The following DESI2 variants were observed in gnomAD, a reference collection of about 807,000 sequenced individuals.
DESI2 encodes the protein deubiquitinase DESI2.
Under a neutral mutation model 24.1 loss-of-function variants are expected in DESI2, and 10 were observed. The ratio of observed to expected loss-of-function variants is 0.41; its 90% CI spans 0.26 to 0.70. DESI2 has a LOEUF of 0.70. Ranked by LOEUF, DESI2 falls within the 30% of genes least tolerant of loss-of-function variation. DESI2 has a pLI of 0.29. For synonymous variants in DESI2, 71 were observed against 87.7 expected, an observed-to-expected ratio of 0.81 and a Z score of 1.06; for missense variants, 122 against 234.9, an observed-to-expected ratio of 0.52 and a Z score of 3.14.
intron 1 of DESI2, among the ~76,000 whole-genome samples, chr1:244,659,564 G>T (rs114062017): frequency 7.2e-4 from 110 of 152,266 alleles, no homozygotes; most frequent in African/African-American, 2.6e-3. Context: ...CTTCAGACCG[G>T]CAATGGTGTG....
chr1:244,675,603 A>T (rs1235689552), intron 1 of DESI2, among the ~76,000 whole-genome samples: 1 of 152,124 alleles, frequency 6.6e-6, no homozygotes, highest in Non-Finnish European at 1.5e-5. Context: ...ATAGGGGCTT[A>T]TTTCTGAACT....
rs1450509113 is a variant in DESI2, at chr1:244,689,801, C to T, written c.209+459C>T. ...CTGGGATTACAGGCGTGAGCCACCA[C>T]GCCCAGCCCAGGAAACTCCTTTCTA... On this transcript the variant is annotated intron_variant, in intron 3 of 4. Transcript: ENST00000302550. This position sits in a 1 kb window ranked among gnomAD's most constrained non-coding sequence, Gnocchi z 4.0. 3.3e-5 allele frequency among the ~76,000 whole-genome samples: 5 copies of T among 152,198 alleles called. No homozygotes were observed. Among genetic ancestry groups the T allele is most frequent in the African/African-American group, 9.6e-5 (4 of 41,454 alleles).
chr1:244,699,053 A>C (rs1004915541), intron 4 of DESI2, among the ~76,000 whole-genome samples: 3 of 152,184 alleles, frequency 2.0e-5, no homozygotes, highest in African/African-American at 7.2e-5. Context: ...CAGTGGACTT[A>C]CCAGTTTGCC....
At chr1:244,660,132 ATTCT>A (rs1675787498) in intron 1 of DESI2, among the ~76,000 whole-genome samples, 1 of 151,636 alleles carries the variant, frequency 6.6e-6, no homozygotes, top group Non-Finnish European at 1.5e-5. Flanking sequence ...ATTTAGATGA[ATTCT>A]TTGTTTTATG....
chr1:244,655,266 A>G (rs540370283), intron 1 of DESI2, among the ~76,000 whole-genome samples: 1 of 152,366 alleles, frequency 6.6e-6, no homozygotes, highest in South Asian at 2.1e-4. Context: ...CTAAACAACT[A>G]AAAATACAAT....
At position 244,683,374 on chromosome 1, in the gene DESI2, T is replaced by G. The variant is rs372363668; in HGVS notation, c.43-3223T>G. 4.4e-3 allele frequency among the ~76,000 whole-genome samples: 666 copies of G among 151,878 alleles called. 2 individuals carry two copies. The highest frequency in any genetic ancestry group is 0.019 in the East Asian group (97 of 5,156). ...TCGCCCAGGCTGGAGTGCAGTGGCG[T>G]GATCTCGGCTCACTGCAAGCTCCGC... On this transcript the variant is annotated intron_variant, in intron 1 of 4. Transcript: ENST00000302550.
At chr1:244,682,868 A>G (rs575607474) in intron 1 of DESI2, among the ~76,000 whole-genome samples, 2 of 145,742 alleles carry the variant, frequency 1.4e-5, no homozygotes. Flanking sequence ...AAAAAAAAAA[A>G]AACTCAGTGA....
intron 4 of DESI2, among the ~76,000 whole-genome samples, chr1:244,705,318 T>C (rs911958177): frequency 1.8e-4 from 27 of 152,224 alleles, no homozygotes; most frequent in African/African-American, 6.3e-4. Flanking sequence ...TTCACAGATA[T>C]GAAAAGTAAG....
Position 244,700,179 on chromosome 1 carries a change from G to A in DESI2, c.352-5377G>A, listed in dbSNP as rs551783080. Among the ~76,000 whole-genome samples the A allele has an allele frequency of 3.9e-5, 6 of 152,294 alleles. No individual in the cohort carries two copies. In the East Asian group the frequency reaches 9.6e-4, roughly 24 times the overall value. ...GTGGTAAGTCCTACCTGTGAATACAGCTATATGCTATGTCCTATGAGTCCT... is the reference window on the plus strand; with the variant it reads ...GTGGTAAGTCCTACCTGTGAATACAACTATATGCTATGTCCTATGAGTCCT... On this transcript the variant is annotated intron_variant, in intron 4 of 4. Transcript: ENST00000302550.
At chr1:244,664,418 G>A (rs1323370993) in intron 1 of DESI2, among the ~76,000 whole-genome samples, 1 of 152,172 alleles carries the variant, frequency 6.6e-6, no homozygotes, top group Non-Finnish European at 1.5e-5. Context: ...AATCCATATG[G>A]TGTAATAGAA....
At chr1:244,702,884 C>T (rs942969276) in intron 4 of DESI2, among the ~76,000 whole-genome samples, 5 of 152,046 alleles carry the variant, frequency 3.3e-5, no homozygotes, top group African/African-American at 4.8e-5. Context: ...AGGCAACAGT[C>T]GCTATCACAT....
intron 1 of DESI2, among the ~76,000 whole-genome samples, chr1:244,674,969 T>G (rs1234420986): frequency 6.6e-6 from 1 of 152,230 alleles, no homozygotes; most frequent in Non-Finnish European, 1.5e-5. Context: ...CATGATACAT[T>G]CCCACCAGTA....
At chr1:244,665,504 A>G (rs575500329) in intron 1 of DESI2, among the ~76,000 whole-genome samples, 8 of 152,202 alleles carry the variant, frequency 5.3e-5, no homozygotes, top group African/African-American at 1.9e-4. Context: ...CCTGCCTCCT[A>G]AATCTTTTCT....
chr1:244,675,338 G>T (rs189217697), intron 1 of DESI2, among the ~76,000 whole-genome samples: 61 of 151,896 alleles, frequency 4.0e-4, no homozygotes, highest in African/African-American at 1.4e-3. Context: ...TTTGCTTTTG[G>T]TGTCATATCT....
chr1:244,674,038 A>G (rs1676333593), intron 1 of DESI2, among the ~76,000 whole-genome samples: 1 of 125,208 alleles, frequency 8.0e-6, no homozygotes, highest in Non-Finnish European at 1.6e-5. Flanking sequence ...TCTGTTGCCC[A>G]GGCTGGAGTA....
At position 244,705,273 on chromosome 1, in the gene DESI2, G is replaced by C. The variant is rs867456871; in HGVS notation, c.352-283G>C. Among the ~76,000 whole-genome samples, 6 of 152,286 alleles carry C rather than the reference G, an allele frequency of 3.9e-5. No individual in the cohort carries two copies. The Middle Eastern group carries it at 0.01, about 259-fold the overall frequency. On this transcript the variant is annotated intron_variant, in intron 4 of 4. Coordinates refer to ENST00000302550, the MANE Select transcript of DESI2 (RefSeq NM_016076.5). ...CAGTGTGTCTCACAGCAGTTGCAGA[G>C]ATCAAAGAAAGGAGCCAAGTGAAAT...
chr1:244,689,995 A>G lies in DESI2; in HGVS notation c.209+653A>G, dbSNP rs1184663230. ...TCCATTGTTAAGGTACATGTATTAC[A>G]TGTAATGATAAACCTAAAATATATG... On this transcript the variant is annotated intron_variant, in intron 3 of 4. Coordinates refer to ENST00000302550, the MANE Select transcript of DESI2 (RefSeq NM_016076.5). The surrounding 1 kb of genome is among the most constrained non-coding windows in gnomAD (Gnocchi z 4.0). 6.6e-6 allele frequency among the ~76,000 whole-genome samples: 1 copy of G among 152,266 alleles called. No individual in the cohort carries two copies. The highest frequency in any genetic ancestry group is 1.5e-5 in the Non-Finnish European group (1 of 68,048).
At chr1:244,699,609 A>T (rs914219948) in intron 4 of DESI2, among the ~76,000 whole-genome samples, 2 of 144,522 alleles carry the variant, frequency 1.4e-5, no homozygotes, top group Non-Finnish European at 3.0e-5. Flanking sequence ...AAAAAAAAAA[A>T]AAAAAAATTC....
At chr1:244,699,746 C>A (rs571750076) in intron 4 of DESI2, among the ~76,000 whole-genome samples, 2 of 152,056 alleles carry the variant, frequency 1.3e-5, no homozygotes, top group African/African-American at 4.8e-5. Flanking sequence ...GTAACAACAA[C>A]AAAAAACAAA....
Sources: allele counts gnomAD v4.1 joint callset (sites outside exome capture counted in the v4.1 genomes callset), GRCh38; gene constraint gnomAD v4.1.1; non-coding constraint Gnocchi (gnomAD v3.1); transcripts MANE v1.5; gene names NCBI Gene and HGNC (gene_info 2026-07-23, HGNC 2026-07-21).